Variants in EFCAB6 observed in about 807,000 individuals in gnomAD.
EFCAB6 encodes the protein EF-hand calcium-binding domain-containing protein 6.
EFCAB6 carries 156 observed loss-of-function variants against 169.8 expected under a neutral mutation model. That is an observed-to-expected ratio of 0.92 (90% CI 0.81 to 1.05). EFCAB6 has a LOEUF of 1.05. EFCAB6 is among the 50% of genes least tolerant of loss of function. The probability of loss-of-function intolerance (pLI) is 0.00; values close to 1 mark genes in which losing one functional copy is unlikely to be tolerated. For synonymous variants in EFCAB6, 698 were observed against 676.4 expected (o/e 1.03, Z -0.50); for missense variants, 1,800 against 1,829.1 (o/e 0.98, Z 0.29).
At position 43,684,345 on chromosome 22, in the gene EFCAB6, C is replaced by T. The variant is rs143825789; in HGVS notation, c.1143-490G>A. ...GACCATGATGCCCTACGTTGTCAGACCCCCTTTCCCTCTATGGCCTCTTTC... is the reference window on the plus strand; with the variant it reads ...GACCATGATGCCCTACGTTGTCAGATCCCCTTTCCCTCTATGGCCTCTTTC... On this transcript the variant is annotated intron_variant, in intron 11 of 31. Coordinates refer to ENST00000262726, the MANE Select transcript of EFCAB6 (RefSeq NM_022785.4). Among the ~76,000 whole-genome samples the T allele has an allele frequency of 4.9e-4, 74 of 152,282 alleles. No individual in the cohort carries two copies. In the East Asian group the frequency reaches 0.014, roughly 29 times the overall value.
intron 10 of EFCAB6, among the ~76,000 whole-genome samples, chr22:43,701,670 T>A (rs184102389): frequency 1.3e-4 from 19 of 151,302 alleles, no homozygotes; most frequent in African/African-American, 2.9e-4. Flanking sequence ...TTTGGAAAAA[T>A]TTTTTTTAAT....
At chr22:43,609,737 C>T (rs893896523) in intron 21 of EFCAB6, among the ~76,000 whole-genome samples, 1 of 152,132 alleles carries the variant, frequency 6.6e-6, no homozygotes, top group Admixed American at 6.5e-5. Flanking sequence ...TTGTGGAACT[C>T]GACAAAGCGA....
intron 6 of EFCAB6, among the ~76,000 whole-genome samples, chr22:43,748,842 C>T (rs2060655955): frequency 6.6e-6 from 1 of 152,252 alleles, no homozygotes; most frequent in African/African-American, 2.4e-5. Flanking sequence ...GCTCTGAAAG[C>T]TGGGACATTT....
At chr22:43,783,257 A>T (rs2061896717) in intron 2 of EFCAB6, among the ~76,000 whole-genome samples, 1 of 152,194 alleles carries the variant, frequency 6.6e-6, no homozygotes. Flanking sequence ...GGCAAATAAT[A>T]GGCAACCAAA....
intron 10 of EFCAB6, among the ~76,000 whole-genome samples, chr22:43,697,904 G>T (rs2147242602): frequency 6.6e-6 from 1 of 152,324 alleles, no homozygotes; most frequent in East Asian, 1.9e-4. Flanking sequence ...GATAGTGTCA[G>T]AAGAGGCAGC....
At chr22:43,530,571 G>A (rs1309962652) in intron 31 of EFCAB6, 3 of 985,326 alleles carry the variant, frequency 3.0e-6, no homozygotes, top group African/African-American at 1.7e-5. Flanking sequence ...AGGAGCTGGC[G>A]ATGCAGGTAT....
chr22:43,740,222 CTCTTA>C (rs1160984901), intron 6 of EFCAB6, among the ~76,000 whole-genome samples: 2 of 152,184 alleles, frequency 1.3e-5, no homozygotes, highest in African/African-American at 4.8e-5. Flanking sequence ...ACCCCCAATC[CTCTTA>C]TCTTCTCTCC....
chr22:43,636,644 T>A (rs2055422554), intron 17 of EFCAB6, among the ~76,000 whole-genome samples: 1 of 139,614 alleles, frequency 7.2e-6, no homozygotes, highest in Admixed American at 7.4e-5. Context: ...AGAGTCTCAC[T>A]CTGTCACCCA....
Position 43,795,165 on chromosome 22 carries a change from A to G in EFCAB6, c.-7-12840T>C, listed in dbSNP as rs2062457853. 6.6e-6 allele frequency among the ~76,000 whole-genome samples: 1 copy of G among 152,236 alleles called. No individual in the cohort carries two copies. Among genetic ancestry groups the G allele is most frequent in the Non-Finnish European group, 1.5e-5 (1 of 68,048 alleles). On this transcript the variant is annotated intron_variant, in intron 2 of 31. Transcript: ENST00000262726. The surrounding 1 kb of genome is among the most constrained non-coding windows in gnomAD (Gnocchi z 4.2). ...AACTGCGGAAAGTGAATATATTTTA[A>G]TGGAGTAGGATATCACTGCTATAAC... is the stretch of plus-strand genomic sequence containing the variant.
intron 10 of EFCAB6, among the ~76,000 whole-genome samples, chr22:43,690,249 C>T (rs1286818867): frequency 6.6e-6 from 1 of 151,098 alleles, no homozygotes; most frequent in East Asian, 2.0e-4. Context: ...CCTGTAATCC[C>T]AGCACTTTGG....
intron 5 of EFCAB6, among the ~76,000 whole-genome samples, chr22:43,762,814 A>G (rs1398533896): frequency 1.3e-5 from 2 of 152,232 alleles, no homozygotes; most frequent in Admixed American, 6.5e-5. Flanking sequence ...CTTTCCCAAC[A>G]AAGACTATTC....
chr22:43,619,244 G>A (rs1235271084), intron 20 of EFCAB6, among the ~76,000 whole-genome samples: 1 of 152,198 alleles, frequency 6.6e-6, no homozygotes, highest in Non-Finnish European at 1.5e-5. Context: ...GCGCTGCAAT[G>A]ACTTTGAAAA....
chr22:43,696,493 G>C (rs2058581017), intron 10 of EFCAB6, among the ~76,000 whole-genome samples: 1 of 152,174 alleles, frequency 6.6e-6, no homozygotes, highest in African/African-American at 2.4e-5. Context: ...ACTTGTATAT[G>C]AATGGTCATA....
chr22:43,809,381 G>T (rs2063027091), intron 1 of EFCAB6, among the ~76,000 whole-genome samples: 1 of 151,984 alleles, frequency 6.6e-6, no homozygotes, highest in African/African-American at 2.4e-5. Flanking sequence ...TGATTTACAT[G>T]TTTCTATTTT....
intron 3 of EFCAB6, among the ~76,000 whole-genome samples, chr22:43,780,570 A>G (rs2061790186): frequency 6.6e-6 from 1 of 151,868 alleles, no homozygotes; most frequent in African/African-American, 2.4e-5. Flanking sequence ...TTGTACGATC[A>G]GAAAGTTAGT....
intron 6 of EFCAB6, among the ~76,000 whole-genome samples, chr22:43,738,640 C>T (rs924555479): frequency 6.6e-6 from 1 of 152,042 alleles, no homozygotes; most frequent in African/African-American, 2.4e-5. Flanking sequence ...TATATTCACA[C>T]ACACTTGCAT....
chr22:43,530,097 C>T (rs574544266), intron 31 of EFCAB6, among the ~76,000 whole-genome samples: 3 of 152,316 alleles, frequency 2.0e-5, no homozygotes, highest in Admixed American at 6.5e-5. Context: ...CCCTCAATTA[C>T]GCCATCTGAT....
At chr22:43,535,802 A>G (rs894101185) in intron 29 of EFCAB6, 15 of 152,276 alleles carry the variant, frequency 9.9e-5, no homozygotes, top group Non-Finnish European at 1.8e-4. Context: ...CGACACCTGC[A>G]TGCCAAGCCA....
At chr22:43,620,415 T>G (rs1174177644) in intron 20 of EFCAB6, among the ~76,000 whole-genome samples, 1 of 152,112 alleles carries the variant, frequency 6.6e-6, no homozygotes, top group African/African-American at 2.4e-5. Context: ...TGCCACAGAT[T>G]ATGGAGGCCA....
Sources: gnomAD v4.1 joint callset for allele counts (sites outside exome capture counted in the v4.1 genomes callset) on GRCh38, gnomAD v4.1.1 for gene constraint, Gnocchi (gnomAD v3.1) non-coding constraint, MANE v1.5 for transcripts, NCBI Gene and HGNC (gene_info 2026-07-23, HGNC 2026-07-21) for gene names.